Variants in NPHS2 observed in about 807,000 individuals in gnomAD.
NPHS2 encodes the protein podocin.
Under a neutral mutation model 37.1 loss-of-function variants are expected in NPHS2, and 36 were observed. The observed-to-expected ratio is 0.97, with a 90% CI of 0.74 to 1.28. The LOEUF is 1.28. NPHS2 is among the 50% of genes most tolerant of loss of function. The pLI is 0.00. For synonymous variants in NPHS2, 196 were observed against 189.3 expected, an observed-to-expected ratio of 1.04 and a Z score of -0.29; for missense variants, 447 against 488.1, an observed-to-expected ratio of 0.92 and a Z score of 0.79.
chr1:179,574,904 C>T (rs1393366744), intron 1 of NPHS2, among the ~76,000 whole-genome samples: 1 of 152,216 alleles, frequency 6.6e-6, no homozygotes, highest in African/African-American at 2.4e-5. Flanking sequence ...ATTTTCCTCT[C>T]TCTTAGCTTG....
chr1:179,564,816 A>G, intron 1 of NPHS2, 23 bp from the exon 2 acceptor site: 1 of 1,577,620 alleles, frequency 6.3e-7, no homozygotes. Flanking sequence ...AAAGCAAAAG[A>G]ATAATTATAT....
In NPHS2 at chr1:179,575,691, T is replaced by C; in HGVS notation, c.174A>G (p.Arg58=). 6.3e-7 allele frequency: 1 copy of C among 1,590,104 alleles called. No homozygotes were observed. Among genetic ancestry groups the C allele is most frequent in the Non-Finnish European group, 8.5e-7 (1 of 1,173,974 alleles). Residue 58 remains arginine (R), a synonymous_variant, in exon 1 of 8, where the codon CGA becomes CGG. Transcript: ENST00000367615. ...CGTCCACCACCGTGGCGGCGGGCGC[T>C]CGGGGCTCCCCCGGGGTCCCCGCCC... ...SGRAGTPGEP[R]APAATVVDVD...
At chr1:179,558,124 A>G (rs2125785456) in intron 4 of NPHS2, among the ~76,000 whole-genome samples, 1 of 152,284 alleles carries the variant, frequency 6.6e-6, no homozygotes, top group East Asian at 1.9e-4. Flanking sequence ...TATACAGTCC[A>G]GTGATACTGA....
At chr1:179,559,541 T>C (rs1225912593) in intron 4 of NPHS2, 138 bp downstream of exon 4, 6 of 649,518 alleles carry the variant, frequency 9.2e-6, no homozygotes, top group Non-Finnish European at 1.7e-5. Flanking sequence ...TGTCCTTTGA[T>C]GCACAAAAGT....
At chr1:179,569,832 G>T (rs564537678) in intron 1 of NPHS2, among the ~76,000 whole-genome samples, 17 of 152,262 alleles carry the variant, frequency 1.1e-4, no homozygotes, top group African/African-American at 2.9e-4. Context: ...GAAATTCTGG[G>T]TTGAAAATTA....
Position 179,551,175 on chromosome 1 carries a change from A to G in NPHS2, c.1150T>C (p.Ter384GlnextTer7), listed in dbSNP as rs1180236778. 1.9e-6 allele frequency: 3 copies of G among 1,613,848 alleles called. No homozygotes were observed. Among genetic ancestry groups the G allele is most frequent in the Non-Finnish European group, 2.5e-6 (3 of 1,180,004 alleles). ...AGTCACATTATGCCCCATCCTTCCT[A>G]TAACATGGGAGAGTCTTTCTTTTTA... is the stretch of plus-strand genomic sequence containing the variant. ...NPKKKDSPML[*>Q] The change falls in exon 8 of 8, where the codon TAG (stop) becomes CAG (glutamine). Residue 384 changes from the stop codon to glutamine (Q), a stop_lost. Coordinates refer to ENST00000367615, the MANE Select transcript of NPHS2 (RefSeq NM_014625.4).
chr1:179,554,354 A>G, intron 6 of NPHS2, 122 bp downstream of exon 6: 1 of 1,166,156 alleles, frequency 8.6e-7, no homozygotes, highest in Non-Finnish European at 1.2e-6. Context: ...TCTCTTTTTT[A>G]TAAATTTATG....
At position 179,551,377 on chromosome 1, in the gene NPHS2, A is replaced by C; in HGVS notation, c.948T>G (p.Pro316=). ...RMAAEILSGT[P]AAVQLRYLHT... is the part of the protein sequence containing the mutation. ...GGAGGTATCGAAGCTGAACGGCAGC[A>C]GGGGTGCCTGACAGAATCTCAGCTG... Residue 316 remains proline (P), a synonymous_variant, in exon 8 of 8, where the codon CCT becomes CCG. Coordinates refer to ENST00000367615, the MANE Select transcript of NPHS2 (RefSeq NM_014625.4). 6.2e-7 allele frequency: 1 copy of C among 1,614,000 alleles called. No homozygotes were observed. Among genetic ancestry groups the C allele is most frequent in the Non-Finnish European group, 8.5e-7 (1 of 1,179,878 alleles).
At chr1:179,557,311 A>C in intron 4 of NPHS2, 81 bp from the exon 5 acceptor site, 2 of 1,128,684 alleles carry the variant, frequency 1.8e-6, no homozygotes, top group Non-Finnish European at 2.7e-6. Flanking sequence ...AAATGTGTTC[A>C]AAGTGAATTT....
chr1:179,566,315 C>T (rs1187226285), intron 1 of NPHS2, among the ~76,000 whole-genome samples: 1 of 152,202 alleles, frequency 6.6e-6, no homozygotes, highest in African/African-American at 2.4e-5. Context: ...TCTCTGATGA[C>T]CAGTGATGAT....
At chr1:179,557,303 A>C in intron 4 of NPHS2, 73 bp from the exon 5 acceptor site, 1 of 1,204,050 alleles carries the variant, frequency 8.3e-7, no homozygotes, top group South Asian at 1.2e-5. Flanking sequence ...GAGGAACTAA[A>C]TGTGTTCAAA....
chr1:179,562,900 T>C (rs1260014411), intron 2 of NPHS2, among the ~76,000 whole-genome samples: 1 of 152,240 alleles, frequency 6.6e-6, no homozygotes, highest in Non-Finnish European at 1.5e-5. Flanking sequence ...ACTGCCTGGT[T>C]CTGCTTTTGT....
chr1:179,566,480 G>A (rs1674339836), intron 1 of NPHS2, among the ~76,000 whole-genome samples: 1 of 152,134 alleles, frequency 6.6e-6, no homozygotes. Flanking sequence ...TGTCAGATGG[G>A]TAGATTGCAA....
At chr1:179,572,360 G>T (rs1674598836) in intron 1 of NPHS2, among the ~76,000 whole-genome samples, 1 of 152,234 alleles carries the variant, frequency 6.6e-6, no homozygotes, top group Non-Finnish European at 1.5e-5. Flanking sequence ...ACTTTATGGG[G>T]TAATATTCAC....
chr1:179,565,945 C>T (rs1313066855), intron 1 of NPHS2, among the ~76,000 whole-genome samples: 1 of 152,146 alleles, frequency 6.6e-6, no homozygotes, highest in Non-Finnish European at 1.5e-5. Flanking sequence ...TGTATATGTG[C>T]TACATTTTCT....
intron 1 of NPHS2, among the ~76,000 whole-genome samples, chr1:179,574,761 C>G (rs1026357353): frequency 1.3e-5 from 2 of 152,140 alleles, no homozygotes; most frequent in Admixed American, 1.3e-4. Context: ...ACCTGTCATC[C>G]CACTAAAGTG....
Position 179,552,418 on chromosome 1 carries a change from G to A in NPHS2, c.873+185C>T, listed in dbSNP as rs140018411. On this transcript the variant is annotated intron_variant, in intron 7 of 7. Coordinates refer to ENST00000367615, the MANE Select transcript of NPHS2 (RefSeq NM_014625.4). ...TATTATCAGTAGCTTCAGAGAGGGA[G>A]AGGAGTTGCATTAGTCAGGGGACTA... is the stretch of plus-strand genomic sequence containing the variant. 540 of 638,338 alleles carry A rather than the reference G, an allele frequency of 8.5e-4. No homozygotes were observed. In the African/African-American group the frequency reaches 8.7e-3, roughly 10 times the overall value. The allele number at this position is 638,338 out of a possible 1,614,324, so 39.5% of individuals were successfully genotyped here. A position where few individuals can be genotyped will look rare whatever the true frequency, so the allele number is the denominator to read the frequency against.
chr1:179,573,553 T>C (rs1674644676), intron 1 of NPHS2, among the ~76,000 whole-genome samples: 1 of 152,230 alleles, frequency 6.6e-6, no homozygotes, highest in African/African-American at 2.4e-5. Context: ...TGGAACTTAT[T>C]TCTCATGGAA....
rs184644767 is a variant in NPHS2 at position 179,560,918 on chromosome 1, A to G, written c.451+371T>C. Among the ~76,000 whole-genome samples, 573 of 152,330 alleles carry G rather than the reference A, an allele frequency of 3.8e-3. 5 individuals are homozygous for G. The highest frequency in any genetic ancestry group is 0.013 in the African/African-American group (551 of 41,568). ...GAATGCTGAACTTTGCCTGTTTCTCATGATTGGATCTGAGCACCTGGAGTG... is the reference window on the plus strand; with the variant it reads ...GAATGCTGAACTTTGCCTGTTTCTCGTGATTGGATCTGAGCACCTGGAGTG... On this transcript the variant is annotated intron_variant, in intron 3 of 7. Transcript: ENST00000367615.
Sources: gnomAD v4.1 joint callset for allele counts (sites outside exome capture counted in the v4.1 genomes callset) on GRCh38, gnomAD v4.1.1 for gene constraint, MANE v1.5 for transcripts, NCBI Gene and HGNC (gene_info 2026-07-23, HGNC 2026-07-21) for gene names.